DACH2: variants seen among roughly 807,000 people sequenced by gnomAD.
DACH2 encodes the protein dachshund homolog 2.
DACH2 carries 17 observed loss-of-function variants against 35.8 expected under a neutral mutation model. The observed-to-expected ratio is 0.48, with a 90% CI of 0.33 to 0.71. The LOEUF (loss-of-function observed/expected upper bound fraction) is 0.71, where lower values mean the gene tolerates loss of function less well. DACH2 is among the 30% of genes least tolerant of loss of function. DACH2 has a pLI of 0.02. For missense variants in DACH2, 469 were observed against 472.7 expected (o/e 0.99, Z 0.07); for synonymous variants, 195 against 177.3 (o/e 1.10, Z -0.79).
intron 1 of DACH2, among the ~76,000 whole-genome samples, chrX:86,208,090 T>A (rs952262422): frequency 9.0e-6 from 1 of 111,048 alleles, no homozygotes; most frequent in Non-Finnish European, 1.9e-5. Flanking sequence ...TTTTTAAGTG[T>A]GGTAGTCATA....
intron 7 of DACH2, among the ~76,000 whole-genome samples, chrX:86,794,799 G>T (rs2042219186): frequency 9.0e-6 from 1 of 111,490 alleles, no homozygotes; most frequent in Non-Finnish European, 1.9e-5. Context: ...AATACATATT[G>T]TATTGCTTTT....
rs1038845468 is a variant in DACH2, at chrX:86,247,778, T to C, written c.488+98670T>C. 3.7e-4 allele frequency among the ~76,000 whole-genome samples: 41 copies of C among 111,162 alleles called. 1 individual carries two copies. The highest frequency in any genetic ancestry group is 1.3e-3 in the African/African-American group (41 of 30,608). On this transcript the variant is annotated intron_variant, in intron 1 of 11. Transcript: ENST00000373125. ...GGCCAATATCCCTGATTAACGTAGA[T>C]GGAAAAATCCTCAACAAAATACTAG...
intron 2 of DACH2, among the ~76,000 whole-genome samples, chrX:86,430,502 G>A (rs1035270629): frequency 1.8e-5 from 2 of 112,430 alleles, no homozygotes; most frequent in African/African-American, 6.5e-5. Context: ...TACCGACATG[G>A]TATGTCTTTC....
intron 3 of DACH2, among the ~76,000 whole-genome samples, chrX:86,640,525 C>T (rs1484869497): frequency 3.6e-5 from 4 of 111,100 alleles, no homozygotes; most frequent in Non-Finnish European, 7.5e-5. Flanking sequence ...TGCGGTAGAT[C>T]CCCCAAGAGT....
At chrX:86,239,511 C>T (rs1006721103) in intron 1 of DACH2, among the ~76,000 whole-genome samples, 18 of 112,068 alleles carry the variant, frequency 1.6e-4, no homozygotes, top group African/African-American at 5.8e-4. Context: ...GATTCATCCT[C>T]GTTTTTACAT....
chrX:86,632,657 T>C (rs2040216068), intron 3 of DACH2, among the ~76,000 whole-genome samples: 2 of 110,966 alleles, frequency 1.8e-5, no homozygotes, highest in Non-Finnish European at 3.8e-5. Context: ...GAGAATGAAG[T>C]TGGACCTTTC....
intron 2 of DACH2, among the ~76,000 whole-genome samples, chrX:86,508,414 G>A (rs897218972): frequency 9.1e-6 from 1 of 109,482 alleles, no homozygotes; most frequent in African/African-American, 3.3e-5. Context: ...CAAAAAATTA[G>A]TCGGGCGTGG....
intron 4 of DACH2, among the ~76,000 whole-genome samples, chrX:86,693,207 C>T (rs2041029524): frequency 8.9e-6 from 1 of 112,106 alleles, no homozygotes. Flanking sequence ...ACCAGTCTAT[C>T]AAATTCAACC....
intron 1 of DACH2, among the ~76,000 whole-genome samples, chrX:86,315,822 CACACACACACACACACACAG>C (rs1420923049): frequency 7.9e-4 from 78 of 98,160 alleles, no homozygotes; most frequent in African/African-American, 3.3e-3. Flanking sequence ...CACACACACA[CACACACACACACACACACAG>C]AGAGAGAGAG....
At chrX:86,294,664 TC>T (rs1371905788) in intron 1 of DACH2, among the ~76,000 whole-genome samples, 2 of 110,148 alleles carry the variant, frequency 1.8e-5, no homozygotes, top group Non-Finnish European at 3.8e-5. Flanking sequence ...CATCTGCAGG[TC>T]TGTTGGAGTA....
chrX:86,701,122 T>G, intron 5 of DACH2, among the ~76,000 whole-genome samples: 1 of 111,297 alleles, frequency 9.0e-6, no homozygotes, highest in Non-Finnish European at 1.9e-5. Context: ...AAGAAAATAC[T>G]AGCAAACCAA....
At chrX:86,569,331 G>A (rs1405174183) in intron 3 of DACH2, among the ~76,000 whole-genome samples, 1 of 111,196 alleles carries the variant, frequency 9.0e-6, no homozygotes. Flanking sequence ...AAATTATGAA[G>A]CCATCCATGA....
intron 2 of DACH2, among the ~76,000 whole-genome samples, chrX:86,471,924 CTA>C (rs2037766853): frequency 9.0e-6 from 1 of 111,391 alleles, no homozygotes; most frequent in Non-Finnish European, 1.9e-5. Flanking sequence ...GATGTAATAC[CTA>C]TGTTAATTAG....
chrX:86,704,703 C>A (rs992529959), intron 5 of DACH2, among the ~76,000 whole-genome samples: 5 of 111,094 alleles, frequency 4.5e-5, no homozygotes, highest in African/African-American at 1.6e-4. Flanking sequence ...TGCAATACCA[C>A]CTTACTCCTG....
intron 2 of DACH2, among the ~76,000 whole-genome samples, chrX:86,474,774 C>A (rs1272878350): frequency 9.0e-6 from 1 of 111,658 alleles, no homozygotes; most frequent in African/African-American, 3.3e-5. Context: ...GCTCTTGTTG[C>A]CCAGGCTGGA....
intron 3 of DACH2, among the ~76,000 whole-genome samples, chrX:86,523,764 A>T (rs1369217547): frequency 9.0e-6 from 1 of 110,582 alleles, no homozygotes; most frequent in Non-Finnish European, 1.9e-5. Flanking sequence ...GGCTGAAAAA[A>T]ATCTCCAAAA....
At chrX:86,541,444 A>G (rs1038232153) in intron 3 of DACH2, among the ~76,000 whole-genome samples, 7 of 111,171 alleles carry the variant, frequency 6.3e-5, no homozygotes, top group Admixed American at 5.8e-4. Flanking sequence ...CCTGGAATAT[A>G]TACATATTTA....
At chrX:86,789,381 G>A (rs1044642213) in intron 7 of DACH2, among the ~76,000 whole-genome samples, 1 of 111,783 alleles carries the variant, frequency 8.9e-6, no homozygotes, top group Admixed American at 9.5e-5. Flanking sequence ...AGTTTGCATG[G>A]CTAACACAAA....
In DACH2 at chrX:86,325,421, ACT is replaced by A. The variant is rs776748689; in HGVS notation, c.489-51400_489-51399del. 2.0e-3 allele frequency among the ~76,000 whole-genome samples: 226 copies of A among 111,448 alleles called. 1 individual carries two copies. Among genetic ancestry groups the A allele is most frequent in the African/African-American group, 6.9e-3 (213 of 30,691 alleles). ...TATCATTTTAATATCAAGTTAGATG[ACT>A]CTGATTGTCCTTGGAAATGCTCTTG... On this transcript the variant is annotated intron_variant, in intron 1 of 11. Transcript: ENST00000373125.
Sources: allele counts gnomAD v4.1 joint callset (sites outside exome capture counted in the v4.1 genomes callset), GRCh38; gene constraint gnomAD v4.1.1; transcripts MANE v1.5; gene names NCBI Gene and HGNC (gene_info 2026-07-23, HGNC 2026-07-21).